HS3ST3A1: variants seen among roughly 807,000 people sequenced by gnomAD.
HS3ST3A1 encodes heparan sulfate glucosamine 3-O-sulfotransferase 3A1.
HS3ST3A1 carries 19 observed loss-of-function variants against 25.7 expected under a neutral mutation model. That is an observed-to-expected ratio of 0.74 (90% CI 0.52 to 1.08). The LOEUF is 1.08. Among genes scored for constraint, HS3ST3A1 ranks in the 50% least tolerant of loss-of-function variants. The pLI, the probability that HS3ST3A1 is intolerant of heterozygous loss-of-function variation, is 0.00. For synonymous variants in HS3ST3A1, 226 were observed against 278.6 expected (o/e 0.81, Z 1.88); for missense variants, 459 against 594.3 (o/e 0.77, Z 2.37).
rs1406667080 is a variant in HS3ST3A1 at position 13,563,834 on chromosome 17, A to G, written c.599+36697T>C. 2.6e-5 allele frequency among the ~76,000 whole-genome samples: 4 copies of G among 152,186 alleles called. No individual in the cohort carries two copies. The East Asian group carries it at 7.7e-4, about 29-fold the overall frequency. The stretch of plus-strand genomic sequence containing the variant: ...TTCCTTTCCTGATACACGTTTCTGT[A>G]CTTTTTAAATGCTATTAATTAACTG... On this transcript the variant is annotated intron_variant, in intron 1 of 1. Coordinates refer to ENST00000284110, the MANE Select transcript of HS3ST3A1 (RefSeq NM_006042.3).
chr17:13,510,214 CA>C (rs1302307650), intron 1 of HS3ST3A1, among the ~76,000 whole-genome samples: 1 of 152,204 alleles, frequency 6.6e-6, no homozygotes, highest in African/African-American at 2.4e-5. Flanking sequence ...GCGCTCTTGA[CA>C]GGAGTTTTAT....
intron 1 of HS3ST3A1, among the ~76,000 whole-genome samples, chr17:13,500,529 A>C (rs1299862743): frequency 6.6e-6 from 1 of 152,168 alleles, no homozygotes; most frequent in Admixed American, 6.5e-5. Flanking sequence ...TGAAGACACA[A>C]CAGGTGAAGA....
chr17:13,529,799 A>G (rs1434727614), intron 1 of HS3ST3A1, among the ~76,000 whole-genome samples: 2 of 152,142 alleles, frequency 1.3e-5, no homozygotes, highest in African/African-American at 4.8e-5. Context: ...CACAACCCCA[A>G]AGTCTCCTTG....
chr17:13,496,020 A>T lies in HS3ST3A1; in HGVS notation c.*177T>A. On this transcript the variant is annotated 3_prime_UTR_variant, in exon 2 of 2. Coordinates refer to ENST00000284110, the MANE Select transcript of HS3ST3A1 (RefSeq NM_006042.3). Reference sequence around the variant, plus strand: ...TGAAATTTTCCTTTTCTGTTGATCCACGTGTTTGGTGTTGGTTATACATTA... The same window carrying T: ...TGAAATTTTCCTTTTCTGTTGATCCTCGTGTTTGGTGTTGGTTATACATTA... 1.4e-6 allele frequency: 1 copy of T among 729,284 alleles called. No homozygotes were observed. Among genetic ancestry groups the T allele is most frequent in the Non-Finnish European group, 2.1e-6 (1 of 482,662 alleles). 45.2% of individuals were successfully genotyped at this position (729,284 alleles called of 1,614,324 possible). A position where few individuals can be genotyped will look rare whatever the true frequency, so the allele number is the denominator to read the frequency against.
intron 1 of HS3ST3A1, among the ~76,000 whole-genome samples, chr17:13,501,192 C>T (rs1202653361): frequency 6.6e-6 from 1 of 151,804 alleles, no homozygotes; most frequent in Non-Finnish European, 1.5e-5. Context: ...GATCACGTAA[C>T]AACGTGTATG....
intron 1 of HS3ST3A1, among the ~76,000 whole-genome samples, chr17:13,497,915 G>A (rs181821081): frequency 6.6e-6 from 1 of 152,280 alleles, no homozygotes; most frequent in African/African-American, 2.4e-5. Flanking sequence ...GCAAGGAAAA[G>A]ATACACTTTG....
intron 1 of HS3ST3A1, among the ~76,000 whole-genome samples, chr17:13,520,717 C>T (rs1271384049): frequency 5.9e-5 from 9 of 151,890 alleles, no homozygotes; most frequent in Non-Finnish European, 7.4e-5. Context: ...TGGGTTCAAG[C>T]GATTCTCCTG....
At chr17:13,575,172 C>T (rs535803114) in intron 1 of HS3ST3A1, among the ~76,000 whole-genome samples, 15 of 152,294 alleles carry the variant, frequency 9.8e-5, no homozygotes, top group African/African-American at 3.6e-4. Flanking sequence ...ATAATTATTA[C>T]CTATACCCTT....
intron 1 of HS3ST3A1, among the ~76,000 whole-genome samples, chr17:13,548,079 C>T (rs1907137782): frequency 6.6e-6 from 1 of 152,078 alleles, no homozygotes; most frequent in Admixed American, 6.6e-5. Flanking sequence ...TTCCAGTAGC[C>T]ATTTTCATTG....
chr17:13,573,493 T>C (rs992626462), intron 1 of HS3ST3A1, among the ~76,000 whole-genome samples: 1 of 152,170 alleles, frequency 6.6e-6, no homozygotes, highest in Non-Finnish European at 1.5e-5. Flanking sequence ...AAAGTCATCA[T>C]TTATGATTCC....
chr17:13,586,009 C>T (rs1394979538), intron 1 of HS3ST3A1, among the ~76,000 whole-genome samples: 2 of 151,624 alleles, frequency 1.3e-5, no homozygotes, highest in East Asian at 2.0e-4. Context: ...CTACCAAGCC[C>T]GGCTAATTTT....
At chr17:13,574,397 C>T (rs1907896547) in intron 1 of HS3ST3A1, among the ~76,000 whole-genome samples, 1 of 151,082 alleles carries the variant, frequency 6.6e-6, no homozygotes, top group South Asian at 2.1e-4. Flanking sequence ...GATTACAGGC[C>T]TGAGCCACTG....
chr17:13,505,138 C>T (rs1905617055), intron 1 of HS3ST3A1, among the ~76,000 whole-genome samples: 1 of 152,130 alleles, frequency 6.6e-6, no homozygotes, highest in Non-Finnish European at 1.5e-5. Context: ...AATGGGTGGT[C>T]CTCCCAATGC....
intron 1 of HS3ST3A1, among the ~76,000 whole-genome samples, chr17:13,553,476 T>A (rs1442183080): frequency 1.3e-5 from 2 of 152,188 alleles, no homozygotes; most frequent in Non-Finnish European, 2.9e-5. Context: ...GCCTTCTCTC[T>A]TAGTTGAAAC....
At chr17:13,528,435 C>T (rs1387432253) in intron 1 of HS3ST3A1, among the ~76,000 whole-genome samples, 1 of 152,202 alleles carries the variant, frequency 6.6e-6, no homozygotes, top group Non-Finnish European at 1.5e-5. Flanking sequence ...CAGAGCAGAG[C>T]TTGGTCAATA....
At chr17:13,562,709 C>G (rs1021088606) in intron 1 of HS3ST3A1, among the ~76,000 whole-genome samples, 21 of 152,084 alleles carry the variant, frequency 1.4e-4, no homozygotes, top group Admixed American at 4.6e-4. Context: ...ATGGAAATCA[C>G]GGGCAAACGT....
intron 1 of HS3ST3A1, among the ~76,000 whole-genome samples, chr17:13,562,161 G>C (rs1907566198): frequency 6.6e-6 from 1 of 152,102 alleles, no homozygotes; most frequent in South Asian, 2.1e-4. Flanking sequence ...TGACCACCCT[G>C]TCTTTTTGGA....
chr17:13,569,879 C>T lies in HS3ST3A1; in HGVS notation c.599+30652G>A, dbSNP rs1598429050. Among the ~76,000 whole-genome samples the T allele has an allele frequency of 5.3e-5, 8 of 152,186 alleles. No individual in the cohort carries two copies. The South Asian group carries it at 1.4e-3, about 28-fold the overall frequency. The stretch of plus-strand genomic sequence containing the variant: ...CTTCCTGGTTTTCACATTCTCTGTT[C>T]GTCTCCATCTAAAATGGGTCTTTAA... On this transcript the variant is annotated intron_variant, in intron 1 of 1. Coordinates refer to ENST00000284110, the MANE Select transcript of HS3ST3A1 (RefSeq NM_006042.3).
At chr17:13,562,312 A>G (rs1320806759) in intron 1 of HS3ST3A1, among the ~76,000 whole-genome samples, 2 of 152,278 alleles carry the variant, frequency 1.3e-5, no homozygotes, top group South Asian at 2.1e-4. Flanking sequence ...TCATTCTGCA[A>G]GAGGCAGGGA....
Sources: gnomAD v4.1 joint callset for allele counts (sites outside exome capture counted in the v4.1 genomes callset) on GRCh38, gnomAD v4.1.1 for gene constraint, MANE v1.5 for transcripts, NCBI Gene and HGNC (gene_info 2026-07-23, HGNC 2026-07-21) for gene names.